Variants in SLC44A5 observed in about 807,000 individuals in gnomAD.
SLC44A5 encodes solute carrier family 44 member 5.
In SLC44A5, 57 loss-of-function variants were observed where a neutral mutation model predicts 101.8. The ratio of observed to expected loss-of-function variants is 0.56; its 90% CI spans 0.45 to 0.70. The LOEUF is 0.70. Ranked by LOEUF, SLC44A5 falls within the 30% of genes least tolerant of loss-of-function variation. SLC44A5 has a pLI of 0.00. For synonymous variants in SLC44A5, 281 were observed against 290.9 expected, an observed-to-expected ratio of 0.97 and a Z score of 0.35; for missense variants, 737 against 853.1, an observed-to-expected ratio of 0.86 and a Z score of 1.70.
At chr1:75,552,482 T>C (rs1671989520) in intron 1 of SLC44A5, among the ~76,000 whole-genome samples, 2 of 151,728 alleles carry the variant, frequency 1.3e-5, no homozygotes, top group Non-Finnish European at 2.9e-5. Flanking sequence ...CAAAAAAATA[T>C]ATAGGCTGAA....
At chr1:75,616,060 G>C (rs1032712866), upstream of SLC44A5, among the ~76,000 whole-genome samples, 2 of 151,744 alleles carry the variant, frequency 1.3e-5, no homozygotes, top group Non-Finnish European at 1.5e-5. Flanking sequence ...GGCTCGGCTG[G>C]GGCGGGCGCC....
chr1:75,638,724 C>CA, the SLC44A5 span, among the ~76,000 whole-genome samples: 1 of 151,964 alleles, frequency 6.6e-6, no homozygotes, highest in African/African-American at 2.4e-5. Flanking sequence ...TGCCCATGGA[C>CA]AAAAAACAAA....
At chr1:75,698,783 A>C in the SLC44A5 span, among the ~76,000 whole-genome samples, 1 of 152,204 alleles carries the variant, frequency 6.6e-6, no homozygotes, top group African/African-American at 2.4e-5. Flanking sequence ...TATAACTAGA[A>C]TAATCAATAT....
At chr1:75,543,224 T>C (rs1168526765) in intron 1 of SLC44A5, among the ~76,000 whole-genome samples, 1 of 152,106 alleles carries the variant, frequency 6.6e-6, no homozygotes, top group Non-Finnish European at 1.5e-5. Flanking sequence ...AAGCTGAACA[T>C]CAAAAAGCTG....
intron 2 of SLC44A5, among the ~76,000 whole-genome samples, chr1:75,408,698 G>C (rs1570177017): frequency 6.6e-6 from 1 of 151,872 alleles, no homozygotes; most frequent in Non-Finnish European, 1.5e-5. Context: ...TCACACACTG[G>C]GGCCTGTCGG....
intron 2 of SLC44A5, chr1:75,538,130 C>T (rs2101942462): frequency 6.6e-6 from 1 of 152,236 alleles, no homozygotes; most frequent in East Asian, 1.9e-4. Flanking sequence ...AGGAGTGAGA[C>T]CAACCACAGA....
At chr1:75,558,243 G>T (rs1672325375) in intron 1 of SLC44A5, among the ~76,000 whole-genome samples, 1 of 152,108 alleles carries the variant, frequency 6.6e-6, no homozygotes, top group South Asian at 2.1e-4. Context: ...ACACCTGAGA[G>T]ATTTAGAAAC....
chr1:75,313,992 G>T (rs1459255891), intron 4 of SLC44A5, among the ~76,000 whole-genome samples: 2 of 152,158 alleles, frequency 1.3e-5, no homozygotes, highest in Non-Finnish European at 2.9e-5. Flanking sequence ...TGTAAAAGTA[G>T]TAGCTTATGT....
rs188124231 is a variant in SLC44A5 at position 75,261,014 on chromosome 1, C to T, written c.261-9720G>A. The stretch of plus-strand genomic sequence containing the variant: ...ACACCATACCAGAATCTCTGGGACA[C>T]ATTTAAAGCAGTCTGTAGAGGGACA... On this transcript the variant is annotated intron_variant, in intron 6 of 23. Coordinates refer to ENST00000370859, the MANE Select transcript of SLC44A5 (RefSeq NM_001130058.2). Among the ~76,000 whole-genome samples the T allele has an allele frequency of 2.8e-3, 426 of 151,422 alleles. 1 individual carries two copies. The highest frequency in any genetic ancestry group is 4.7e-3 in the Non-Finnish European group (316 of 67,890).
chr1:75,443,546 C>T (rs990933539), intron 2 of SLC44A5, among the ~76,000 whole-genome samples: 4 of 151,808 alleles, frequency 2.6e-5, no homozygotes, highest in Admixed American at 2.6e-4. Flanking sequence ...CAATAGGAAG[C>T]CTGAATTATA....
chr1:75,503,117 TAC>T (rs1229844445), intron 2 of SLC44A5, among the ~76,000 whole-genome samples: 1 of 152,204 alleles, frequency 6.6e-6, no homozygotes. Flanking sequence ...TTTACAAAAA[TAC>T]ACAGATATTC....
the SLC44A5 span, among the ~76,000 whole-genome samples, chr1:75,714,411 A>T: frequency 6.6e-6 from 1 of 152,186 alleles, no homozygotes; most frequent in Non-Finnish European, 1.5e-5. Flanking sequence ...ACAAACCCAC[A>T]GCCAACACCA....
intron 2 of SLC44A5, among the ~76,000 whole-genome samples, chr1:75,466,089 G>T (rs968605124): frequency 6.6e-6 from 1 of 152,128 alleles, no homozygotes; most frequent in Non-Finnish European, 1.5e-5. Context: ...GAAACTACAT[G>T]CCAATATCTC....
rs1306538374 is a variant in SLC44A5 at position 75,333,495 on chromosome 1, CAAG to C, written c.101+6084_101+6086del. Among the ~76,000 whole-genome samples the C allele has an allele frequency of 2.7e-5, 4 of 147,980 alleles. No homozygotes were observed. The East Asian group carries it at 7.8e-4, about 29-fold the overall frequency. On this transcript the variant is annotated intron_variant, in intron 4 of 23. Coordinates refer to ENST00000370859, the MANE Select transcript of SLC44A5 (RefSeq NM_001130058.2). ...TTGCACTTTAAAATGTCACCGTCTA[CAAG>C]TTATTCCTGATAATTACGCAAATAA...
At chr1:75,337,878 A>G (rs1657569786) in intron 4 of SLC44A5, among the ~76,000 whole-genome samples, 1 of 152,224 alleles carries the variant, frequency 6.6e-6, no homozygotes, top group South Asian at 2.1e-4. Context: ...CTGTCTGAAT[A>G]TCCAATAACA....
At chr1:75,359,395 G>A (rs1015285187) in intron 3 of SLC44A5, among the ~76,000 whole-genome samples, 1 of 149,694 alleles carries the variant, frequency 6.7e-6, no homozygotes, top group Non-Finnish European at 1.5e-5. Context: ...CCACCACGCT[G>A]GCTAATTTTT....
At chr1:75,242,675 A>G (rs183998330) in intron 8 of SLC44A5, among the ~76,000 whole-genome samples, 2 of 152,242 alleles carry the variant, frequency 1.3e-5, no homozygotes, top group East Asian at 1.9e-4. Flanking sequence ...CAGACATAAC[A>G]GTCTTTCATG....
chr1:75,608,563 C>T (rs1675461909), intron 1 of SLC44A5, among the ~76,000 whole-genome samples: 1 of 151,960 alleles, frequency 6.6e-6, no homozygotes, highest in East Asian at 1.9e-4. Context: ...TGCCACATTT[C>T]CCCAGAGTAA....
At chr1:75,368,287 G>A (rs1659992289) in intron 3 of SLC44A5, among the ~76,000 whole-genome samples, 1 of 152,092 alleles carries the variant, frequency 6.6e-6, no homozygotes, top group Non-Finnish European at 1.5e-5. Flanking sequence ...TGTCCACAGG[G>A]GATTGTTTCT....
Sources: gnomAD v4.1 joint callset for allele counts (sites outside exome capture counted in the v4.1 genomes callset) on GRCh38, gnomAD v4.1.1 for gene constraint, MANE v1.5 for transcripts, NCBI Gene and HGNC (gene_info 2026-07-23, HGNC 2026-07-21) for gene names.